PTPRA: variants seen among roughly 807,000 people sequenced by gnomAD.
PTPRA encodes the protein protein tyrosine phosphatase receptor type A, also known as receptor-type tyrosine-protein phosphatase alpha.
Under a neutral mutation model 104.8 loss-of-function variants are expected in PTPRA, and 25 were observed. The ratio of observed to expected loss-of-function variants is 0.24; its 90% CI spans 0.17 to 0.33. The LOEUF (loss-of-function observed/expected upper bound fraction) is 0.33, where lower values mean the gene tolerates loss of function less well. PTPRA is among the 10% of genes least tolerant of loss of function. PTPRA has a pLI of 1.00. For missense variants in PTPRA, 765 were observed against 1,015.3 expected, an observed-to-expected ratio of 0.75 and a Z score of 3.35; for synonymous variants, 323 against 368.9, an observed-to-expected ratio of 0.88 and a Z score of 1.43.
intron 2 of PTPRA, among the ~76,000 whole-genome samples, chr20:2,928,441 G>GT (rs2060387389): frequency 1.3e-5 from 2 of 152,296 alleles, no homozygotes; most frequent in Non-Finnish European, 2.9e-5. Context: ...TCATGTTGGA[G>GT]TGATGGTTTG....
rs1321500009 is a variant in PTPRA at position 3,019,066 on chromosome 20, G to A, written c.1041+1153G>A. Reference sequence around the variant, plus strand: ...CACCTCCCGGACGGGGCGGCTGGCCGGGCAGAGGGGCTCCTCACTTCCCAG... The same window carrying A: ...CACCTCCCGGACGGGGCGGCTGGCCAGGCAGAGGGGCTCCTCACTTCCCAG... On this transcript the variant is annotated intron_variant, in intron 13 of 23. Transcript: ENST00000399903. Among the ~76,000 whole-genome samples the A allele has an allele frequency of 5.5e-4, 76 of 138,482 alleles. 3 individuals carry two copies. The highest frequency in any genetic ancestry group is 4.3e-3 in the Middle Eastern group (1 of 232). The allele number at this position is 138,482 out of a possible 152,430, so 90.8% of individuals were successfully genotyped here.
chr20:2,922,263 C>T (rs2060123996), intron 1 of PTPRA, among the ~76,000 whole-genome samples: 1 of 152,064 alleles, frequency 6.6e-6, no homozygotes, highest in South Asian at 2.1e-4. Flanking sequence ...TTAAGCACAC[C>T]CCTGTGAAAC....
At position 2,925,871 on chromosome 20, in the gene PTPRA, G is replaced by A. The variant is rs961886507; in HGVS notation, c.-50+2586G>A. Among the ~76,000 whole-genome samples the A allele has an allele frequency of 5.9e-5, 9 of 151,898 alleles. No individual in the cohort carries two copies. In the South Asian group the frequency reaches 1.0e-3, roughly 18 times the overall value. The stretch of plus-strand genomic sequence containing the variant: ...CACATGGATGTACAAACATCTGTTC[G>A]AGTCCCTGCTTTTAGTTCTTTTGAG... On this transcript the variant is annotated intron_variant, in intron 2 of 23. Transcript: ENST00000399903.
chr20:3,018,078 T>C (rs576618709), intron 13 of PTPRA, among the ~76,000 whole-genome samples, 165 bp downstream of exon 13: 1 of 152,338 alleles, frequency 6.6e-6, no homozygotes, highest in South Asian at 2.1e-4. Flanking sequence ...GCCCCAGATA[T>C]GAACCTCAGG....
chr20:2,907,869 A>G (rs974447273), intron 1 of PTPRA, among the ~76,000 whole-genome samples: 3 of 152,028 alleles, frequency 2.0e-5, no homozygotes, highest in Non-Finnish European at 4.4e-5. Flanking sequence ...TTTTAGAGCA[A>G]ATGATTTTGT....
At chr20:2,912,270 C>T (rs2059751158) in intron 1 of PTPRA, among the ~76,000 whole-genome samples, 1 of 151,018 alleles carries the variant, frequency 6.6e-6, no homozygotes, top group African/African-American at 2.4e-5. Context: ...TGAAAATATA[C>T]AGAAGTATAG....
At chr20:2,909,995 AT>A (rs1188893035) in intron 1 of PTPRA, among the ~76,000 whole-genome samples, 1,272 of 89,648 alleles carry the variant, frequency 0.014, 65 homozygotes, top group Admixed American at 0.11. Context: ...TATCATATAT[AT>A]AATCTATCAT....
At chr20:2,891,770 C>T (rs2058800495) in intron 1 of PTPRA, among the ~76,000 whole-genome samples, 1 of 152,056 alleles carries the variant, frequency 6.6e-6, no homozygotes, top group South Asian at 2.1e-4. Flanking sequence ...AGATCAAAAT[C>T]CAGGGATACT....
intron 2 of PTPRA, among the ~76,000 whole-genome samples, chr20:2,941,349 G>GAAGT (rs1160480277): frequency 3.3e-5 from 5 of 152,082 alleles, no homozygotes; most frequent in African/African-American, 1.2e-4. Flanking sequence ...TCTGTTATCT[G>GAAGT]ACTTACTGGA....
intron 1 of PTPRA, among the ~76,000 whole-genome samples, chr20:2,901,133 G>A (rs932662954): frequency 1.3e-5 from 2 of 151,856 alleles, no homozygotes; most frequent in African/African-American, 2.4e-5. Flanking sequence ...ACCACACCTC[G>A]CTAATTTTTG....
intron 3 of PTPRA, among the ~76,000 whole-genome samples, chr20:2,963,688 T>C (rs773397312): frequency 3.9e-5 from 6 of 152,142 alleles, no homozygotes; most frequent in Non-Finnish European, 8.8e-5. Flanking sequence ...TTTGAAACTT[T>C]TTGAGCGCAG....
intron 1 of PTPRA, among the ~76,000 whole-genome samples, chr20:2,909,929 TATATA>T (rs2059582951): frequency 1.6e-5 from 2 of 126,358 alleles, no homozygotes; most frequent in South Asian, 4.6e-4. Context: ...TATATTGTTA[TATATA>T]ATATGTGTAA....
upstream of PTPRA, among the ~76,000 whole-genome samples, chr20:2,872,669 G>A (rs1262925083): frequency 6.6e-6 from 1 of 152,238 alleles, no homozygotes. The surrounding 1 kb of genome is among the most constrained non-coding windows in gnomAD (Gnocchi z 7.9). Context: ...ACCTGCTGCC[G>A]CTGGATGGAC....
intron 5 of PTPRA, among the ~76,000 whole-genome samples, chr20:2,970,752 C>T (rs927612350): frequency 6.6e-6 from 1 of 152,006 alleles, no homozygotes; most frequent in South Asian, 2.1e-4. Flanking sequence ...TCTAGGAAGG[C>T]TTTCCTTACT....
At chr20:2,970,951 C>T (rs1489573845) in intron 5 of PTPRA, among the ~76,000 whole-genome samples, 1 of 152,096 alleles carries the variant, frequency 6.6e-6, no homozygotes, top group Non-Finnish European at 1.5e-5. Flanking sequence ...ATTTGAAATG[C>T]CACCTATCTT....
chr20:2,926,013 A>G (rs1363195221), intron 2 of PTPRA, among the ~76,000 whole-genome samples: 1 of 152,206 alleles, frequency 6.6e-6, no homozygotes, highest in Non-Finnish European at 1.5e-5. Context: ...CCAGCAATGC[A>G]CAAGGGCTTC....
At chr20:2,907,239 A>G (rs1166144560) in intron 1 of PTPRA, among the ~76,000 whole-genome samples, 1 of 152,074 alleles carries the variant, frequency 6.6e-6, no homozygotes, top group Non-Finnish European at 1.5e-5. Flanking sequence ...AAAGCCATTT[A>G]TTGTTTGATC....
intron 16 of PTPRA, 52 bp from the exon 17 acceptor site, chr20:3,024,420 A>G (rs1468055088): frequency 2.6e-6 from 4 of 1,553,638 alleles, no homozygotes; most frequent in East Asian, 2.3e-5. Context: ...GTGATCTGGC[A>G]TGAGAACTAT....
chr20:3,032,911 A>ATTTTT (rs34489806), intron 20 of PTPRA, among the ~76,000 whole-genome samples: 1 of 144,152 alleles, frequency 6.9e-6, no homozygotes, highest in Admixed American at 6.9e-5. Flanking sequence ...CTCTTTTCTG[A>ATTTTT]TTTTTTTTTT....
Sources: allele counts gnomAD v4.1 joint callset (sites outside exome capture counted in the v4.1 genomes callset), GRCh38; gene constraint gnomAD v4.1.1; non-coding constraint Gnocchi (gnomAD v3.1); transcripts MANE v1.5; gene names NCBI Gene and HGNC (gene_info 2026-07-23, HGNC 2026-07-21).